KRT8: variants seen among roughly 807,000 people sequenced by gnomAD.
KRT8 encodes the protein keratin 8.
KRT8 carries 24 observed loss-of-function variants against 43.0 expected under a neutral mutation model. The ratio of observed to expected loss-of-function variants is 0.56; its 90% CI spans 0.40 to 0.78. KRT8 has a LOEUF of 0.78. Ranked by LOEUF, KRT8 falls within the 30% of genes least tolerant of loss-of-function variation. The probability of loss-of-function intolerance (pLI) is 0.00; values close to 1 mark genes in which losing one functional copy is unlikely to be tolerated. For missense variants in KRT8, 492 were observed against 638.4 expected (o/e 0.77, Z 2.47); for synonymous variants, 214 against 261.2 (o/e 0.82, Z 1.74).
intron 2 of KRT8, among the ~76,000 whole-genome samples, chr12:52,944,359 G>A (rs2131160): frequency 0.39 from 59,042 of 151,978 alleles, 11,818 homozygotes; most frequent in East Asian, 0.58. Flanking sequence ...ACCTCTCAAA[G>A]TGCTGGGATT....
intron 7 of KRT8, 75 bp downstream of exon 7, chr12:52,898,386 A>G (rs1015093925): frequency 4.6e-6 from 6 of 1,295,182 alleles, no homozygotes; most frequent in Non-Finnish European, 6.6e-6. Flanking sequence ...GCGACTGAGC[A>G]CAGCCCCCTC....
At chr12:52,934,970 A>G (rs1447157991) in intron 2 of KRT8, among the ~76,000 whole-genome samples, 13 of 148,476 alleles carry the variant, frequency 8.8e-5, no homozygotes, top group African/African-American at 1.7e-4. Context: ...ACTCCGTCTC[A>G]AAAAAAAAAG....
rs1160077976 is a variant in KRT8, at chr12:52,949,604, G to C, written c.-176-19C>G. 1.9e-6 allele frequency: 3 copies of C among 1,609,824 alleles called. No homozygotes were observed. The African/African-American group carries it at 4.0e-5, about 22-fold the overall frequency. ...CTGAGGGCTCAGGTAAGGGGTAGGA[G>C]GGACCTCAACTCCCAGCCTTGTCTG... On this transcript the variant is annotated intron_variant, in intron 1 of 6. Coordinates refer to the KRT8 transcript ENST00000546826.
intron 2 of KRT8, among the ~76,000 whole-genome samples, chr12:52,934,520 A>G (rs1380662349): frequency 6.6e-6 from 1 of 152,168 alleles, no homozygotes; most frequent in Non-Finnish European, 1.5e-5. Context: ...AGATCAAGCC[A>G]TTGCACTCCA....
upstream of KRT8, among the ~76,000 whole-genome samples, chr12:52,907,832 A>T: frequency 6.6e-6 from 1 of 152,216 alleles, no homozygotes; most frequent in East Asian, 1.9e-4. Context: ...CTTCAGGGTT[A>T]AAGGCAGAAG....
At chr12:52,926,332 G>C in intron 2 of KRT8, 1 of 600,272 alleles carries the variant, frequency 1.7e-6, no homozygotes, top group South Asian at 1.6e-5. Context: ...GGCACTAGCT[G>C]CCCTCCCCAC....
chr12:52,902,377 A>T (rs1359953143), intron 1 of KRT8, among the ~76,000 whole-genome samples: 2 of 152,164 alleles, frequency 1.3e-5, no homozygotes, highest in East Asian at 3.9e-4. Flanking sequence ...TATATTACAC[A>T]TCAATAAAAA....
In KRT8 at chr12:52,901,845, G is replaced by C; in HGVS notation, c.533+19C>G. The stretch of plus-strand genomic sequence containing the variant: ...AGAGCACGGTGACTTCAGTTGGGTG[G>C]AGGGTGGGAGTTGCTCACTTGTTCT... On this transcript the variant is annotated intron_variant, in intron 2 of 7. Coordinates refer to ENST00000692008, the Ensembl canonical transcript of KRT8. The C allele has an allele frequency of 1.3e-6, 2 of 1,567,712 alleles. No homozygotes were observed. Among genetic ancestry groups the C allele is most frequent in the Non-Finnish European group, 1.8e-6 (2 of 1,139,338 alleles).
At chr12:52,906,991 T>TACGC (rs1941534459), upstream of KRT8, 2 of 292,498 alleles carry the variant, frequency 6.8e-6, no homozygotes, top group Admixed American at 9.2e-5. Context: ...CACGCGTGCA[T>TACGC]ACACACACAC....
At chr12:52,906,426 C>T (rs190846902), upstream of KRT8, 4 of 305,930 alleles carry the variant, frequency 1.3e-5, no homozygotes, top group Admixed American at 1.7e-4. Flanking sequence ...TTTACCCAGG[C>T]TCCCAACGGG....
intron 2 of KRT8, among the ~76,000 whole-genome samples, chr12:52,925,330 C>T (rs1941968144): frequency 6.6e-6 from 1 of 152,092 alleles, no homozygotes; most frequent in African/African-American, 2.4e-5. Context: ...CTATCTCTGG[C>T]TCCCAGGGGC....
chr12:52,941,478 CTTTT>C (rs774607187), intron 2 of KRT8, among the ~76,000 whole-genome samples: 1,795 of 72,460 alleles, frequency 0.025, 20 homozygotes, highest in Admixed American at 0.033. Context: ...AGTTTTTGCT[CTTTT>C]TTTTTTTTTT....
exon 3 of KRT8, chr12:52,901,179 C>T (rs147715492): frequency 3.7e-6 from 6 of 1,611,762 alleles, no homozygotes; most frequent in Non-Finnish European, 5.1e-6. Flanking sequence ...AGGACAAATT[C>T]GTTCTCCATC....
chr12:52,924,574 G>A (rs1941953392), intron 2 of KRT8, among the ~76,000 whole-genome samples: 1 of 151,974 alleles, frequency 6.6e-6, no homozygotes, highest in Non-Finnish European at 1.5e-5. Context: ...GGGCGACAGA[G>A]CCAGACCCTG....
chr12:52,931,593 G>A (rs1942084389), intron 2 of KRT8, among the ~76,000 whole-genome samples: 1 of 151,904 alleles, frequency 6.6e-6, no homozygotes, highest in East Asian at 1.9e-4. Flanking sequence ...TCTTGACCTG[G>A]TCTTCACTAA....
intron 2 of KRT8, among the ~76,000 whole-genome samples, chr12:52,943,903 C>G (rs780005878): frequency 6.6e-6 from 1 of 152,236 alleles, no homozygotes; most frequent in Non-Finnish European, 1.5e-5. Flanking sequence ...CTTGGCCACT[C>G]TGTTCTTCCA....
chr12:52,910,678 T>C (rs183603257), upstream of KRT8, among the ~76,000 whole-genome samples: 2 of 152,308 alleles, frequency 1.3e-5, no homozygotes, highest in African/African-American at 4.8e-5. Context: ...GAAGCCCTCA[T>C]GGTGTTCAGG....
chr12:52,912,818 G>A (rs1941661636), intron 2 of KRT8, among the ~76,000 whole-genome samples: 1 of 152,230 alleles, frequency 6.6e-6, no homozygotes, highest in African/African-American at 2.4e-5. Context: ...AGCAGGTGTG[G>A]TCAGGCCAGG....
intron 2 of KRT8, among the ~76,000 whole-genome samples, chr12:52,929,616 C>T (rs886941236): frequency 6.6e-5 from 10 of 152,110 alleles, no homozygotes; most frequent in South Asian, 2.1e-4. Context: ...ACCACTTACA[C>T]CTGTAATCAT....
Sources: allele counts gnomAD v4.1 joint callset (sites outside exome capture counted in the v4.1 genomes callset), GRCh38; gene constraint gnomAD v4.1.1; transcripts MANE v1.5; gene names NCBI Gene and HGNC (gene_info 2026-07-23, HGNC 2026-07-21).